Variants in KATNIP observed in about 807,000 individuals in gnomAD.
KATNIP encodes katanin-interacting protein.
A neutral mutation model predicts 174.0 loss-of-function variants in KATNIP; 126 were observed. That is an observed-to-expected ratio of 0.72 (90% confidence interval 0.63 to 0.84). The LOEUF (loss-of-function observed/expected upper bound fraction) is 0.84, where lower values mean the gene tolerates loss of function less well. Among genes scored for constraint, KATNIP ranks in the 40% least tolerant of loss-of-function variants. The pLI, the probability that KATNIP is intolerant of heterozygous loss-of-function variation, is 0.00. For missense variants in KATNIP, 1,958 were observed against 2,109.7 expected, an observed-to-expected ratio of 0.93 and a Z score of 1.41; for synonymous variants, 810 against 835.7, an observed-to-expected ratio of 0.97 and a Z score of 0.53.
chr16:27,656,692 A>C (rs2077300049), intron 6 of KATNIP, among the ~76,000 whole-genome samples: 1 of 149,190 alleles, frequency 6.7e-6, no homozygotes, highest in Admixed American at 6.8e-5. Flanking sequence ...CGCAAGAACA[A>C]AAAACCAAAC....
chr16:27,723,494 G>A (rs546948674), intron 14 of KATNIP, among the ~76,000 whole-genome samples: 47 of 151,586 alleles, frequency 3.1e-4, no homozygotes, highest in African/African-American at 8.5e-4. Context: ...TGCCCCTTGC[G>A]CTTCTCTGGG....
At chr16:27,673,581 T>C (rs890374039) in intron 6 of KATNIP, among the ~76,000 whole-genome samples, 5 of 152,186 alleles carry the variant, frequency 3.3e-5, no homozygotes, top group Admixed American at 2.0e-4. Flanking sequence ...CATTCTTTGT[T>C]GTGGGGCTGT....
chr16:27,634,508 G>A (rs1237807756), intron 5 of KATNIP, among the ~76,000 whole-genome samples: 2 of 152,218 alleles, frequency 1.3e-5, no homozygotes, highest in African/African-American at 4.8e-5. Context: ...TCAGCATCAG[G>A]AAGGTGTCAC....
At chr16:27,665,375 G>C (rs973759217) in intron 6 of KATNIP, among the ~76,000 whole-genome samples, 3 of 151,830 alleles carry the variant, frequency 2.0e-5, no homozygotes, top group Non-Finnish European at 4.4e-5. Context: ...AAAGTGCTGG[G>C]ATTATAGGCA....
At chr16:27,598,674 A>G (rs753489151) in intron 2 of KATNIP, among the ~76,000 whole-genome samples, 6 of 152,196 alleles carry the variant, frequency 3.9e-5, no homozygotes, top group Non-Finnish European at 8.8e-5. Flanking sequence ...GTGCCTTTTG[A>G]TGTTAAGGCT....
intron 2 of KATNIP, among the ~76,000 whole-genome samples, chr16:27,586,903 T>C (rs1343624059): frequency 6.6e-6 from 1 of 150,520 alleles, no homozygotes; most frequent in Non-Finnish European, 1.5e-5. Flanking sequence ...TTCTGGACTT[T>C]TCCAACTTCT....
chr16:27,753,712 CCCTT>C (rs1004853590), intron 17 of KATNIP, among the ~76,000 whole-genome samples: 19 of 151,116 alleles, frequency 1.3e-4, no homozygotes, highest in South Asian at 4.2e-4. Flanking sequence ...CTTCCACTTC[CCCTT>C]CCTTCCTTCC....
At chr16:27,774,902 G>A (rs771350004) in intron 23 of KATNIP, 43 bp from the exon 24 acceptor site, 38 of 1,611,792 alleles carry the variant, frequency 2.4e-5, no homozygotes, top group Non-Finnish European at 2.9e-5. Flanking sequence ...TGGCAGCCCC[G>A]AGCACACAGA....
At chr16:27,670,258 C>G (rs1301568327) in intron 6 of KATNIP, among the ~76,000 whole-genome samples, 1 of 152,142 alleles carries the variant, frequency 6.6e-6, no homozygotes, top group Admixed American at 6.5e-5. Flanking sequence ...CTGCCCTCTC[C>G]TGATTTTTGT....
At chr16:27,594,301 G>T (rs1430343058) in intron 2 of KATNIP, among the ~76,000 whole-genome samples, 1 of 151,956 alleles carries the variant, frequency 6.6e-6, no homozygotes, top group Non-Finnish European at 1.5e-5. Context: ...TCTGTCTGAT[G>T]CTGAAGCTCA....
intron 3 of KATNIP, 68 bp downstream of exon 3, chr16:27,618,569 A>G: frequency 8.6e-7 from 1 of 1,161,420 alleles, no homozygotes; most frequent in Non-Finnish European, 1.3e-6. Flanking sequence ...ATTTATTAAC[A>G]GCAGGCAGGC....
chr16:27,648,153 C>T (rs977439614), intron 5 of KATNIP, among the ~76,000 whole-genome samples: 1 of 152,102 alleles, frequency 6.6e-6, no homozygotes, highest in Middle Eastern at 3.4e-3. Context: ...AAATTTGCCG[C>T]GTGGTGGCAG....
chr16:27,753,171 A>G (rs2081583248), intron 17 of KATNIP, among the ~76,000 whole-genome samples: 1 of 152,168 alleles, frequency 6.6e-6, no homozygotes, highest in African/African-American at 2.4e-5. Flanking sequence ...GCGGCCACCA[A>G]GAGGGGCAAG....
chr16:27,664,143 C>A (rs1385113028), intron 6 of KATNIP, among the ~76,000 whole-genome samples: 2 of 152,128 alleles, frequency 1.3e-5, no homozygotes, highest in African/African-American at 2.4e-5. Flanking sequence ...TTTTCCCAAA[C>A]GTTCTAAGTA....
At chr16:27,645,200 G>A (rs1296238147) in intron 5 of KATNIP, among the ~76,000 whole-genome samples, 1 of 152,228 alleles carries the variant, frequency 6.6e-6, no homozygotes, top group East Asian at 1.9e-4. Context: ...CCTGTGCAGA[G>A]TTGATGCCGT....
intron 2 of KATNIP, among the ~76,000 whole-genome samples, chr16:27,587,581 C>T (rs375405473): frequency 1.5e-4 from 23 of 152,290 alleles, no homozygotes; most frequent in African/African-American, 3.6e-4. Context: ...AAATACTGTA[C>T]TTAACCTGCT....
intron 6 of KATNIP, among the ~76,000 whole-genome samples, chr16:27,660,210 G>T (rs1366883760): frequency 6.6e-6 from 1 of 152,078 alleles, no homozygotes; most frequent in African/African-American, 2.4e-5. Context: ...CTCTGAAATC[G>T]TAAATCCTAG....
At position 27,573,885 on chromosome 16, in the gene KATNIP, T is replaced by C. The variant is rs1276866167; in HGVS notation, c.8-16T>C. Reference sequence around the variant, plus strand: ...AAAACAGCCTTAATCTTGGTTCTGCTTTTGAACTGCGACAGGTCAGACTCT... The same window carrying C: ...AAAACAGCCTTAATCTTGGTTCTGCCTTTGAACTGCGACAGGTCAGACTCT... On this transcript the variant is annotated splice_polypyrimidine_tract_variant and intron_variant, in intron 1 of 27. Coordinates refer to ENST00000261588, the MANE Select transcript of KATNIP (RefSeq NM_015202.5). The C allele has an allele frequency of 1.2e-6, 2 of 1,613,930 alleles. No homozygotes were observed. Among genetic ancestry groups the C allele is most frequent in the Non-Finnish European group, 1.7e-6 (2 of 1,179,926 alleles).
intron 1 of KATNIP, 46 bp from the exon 2 acceptor site, chr16:27,573,855 G>C (rs1258620942): frequency 6.3e-7 from 1 of 1,593,636 alleles, no homozygotes; most frequent in East Asian, 2.2e-5. Flanking sequence ...TAAACTAGCT[G>C]TTCTAAAACA....
Sources: allele counts gnomAD v4.1 joint callset (sites outside exome capture counted in the v4.1 genomes callset), GRCh38; gene constraint gnomAD v4.1.1; transcripts MANE v1.5; gene names NCBI Gene and HGNC (gene_info 2026-07-23, HGNC 2026-07-21).